NDUFA10: variants seen among roughly 807,000 people sequenced by gnomAD.
The protein encoded by NDUFA10 is NADH dehydrogenase [ubiquinone] 1 alpha subcomplex subunit 10, mitochondrial.
Under a neutral mutation model 47.8 loss-of-function variants are expected in NDUFA10, and 40 were observed. That is an observed-to-expected ratio of 0.84 (90% CI 0.65 to 1.09). NDUFA10 has a LOEUF of 1.09. Among genes scored for constraint, NDUFA10 ranks in the 50% least tolerant of loss-of-function variants. NDUFA10 has a pLI of 0.00. For synonymous variants in NDUFA10, 183 were observed against 172.2 expected, an observed-to-expected ratio of 1.06 and a Z score of -0.49; for missense variants, 413 against 451.1, an observed-to-expected ratio of 0.92 and a Z score of 0.76.
intron 4 of NDUFA10, among the ~76,000 whole-genome samples, chr2:239,912,110 A>G (rs1267103636): frequency 1.3e-5 from 2 of 152,166 alleles, no homozygotes; most frequent in Non-Finnish European, 2.9e-5. Context: ...TGAACCATCC[A>G]AAGCCAATAC....
In NDUFA10 at chr2:239,987,691, A is replaced by T. The variant is rs1696054665; in HGVS notation, c.999+2383T>A. Among the ~76,000 whole-genome samples, 1 of 152,260 alleles carries T rather than the reference A, an allele frequency of 6.6e-6. No individual in the cohort carries two copies. The highest frequency in any genetic ancestry group is 2.1e-4 in the South Asian group (1 of 4,830). ...CTTCAGGCAGAAGGCCAAGGATGCT[A>T]CATGCAGGCGCAGCGCCCAGGGAAG... On this transcript the variant is annotated intron_variant, in intron 9 of 9. Coordinates refer to ENST00000252711, the MANE Select transcript of NDUFA10 (RefSeq NM_004544.4). The surrounding 1 kb of genome is among the most constrained non-coding windows in gnomAD (Gnocchi z 4.8).
chr2:239,906,335 C>A lies in NDUFA10; in HGVS notation c.295-11021G>T, dbSNP rs1693655530. 6.6e-6 allele frequency among the ~76,000 whole-genome samples: 1 copy of A among 152,186 alleles called. No individual in the cohort carries two copies. The highest frequency in any genetic ancestry group is 1.5e-5 in the Non-Finnish European group (1 of 68,030). ...GCTGACTGTCTAGGCACTGACCACG[C>A]CCTGTTGATAGACGCCGAGGCCATT... On this transcript the variant is annotated intron_variant, in intron 4 of 5. Transcript: ENST00000419408. The surrounding 1 kb of genome is among the most constrained non-coding windows in gnomAD (Gnocchi z 4.3).
Position 239,930,447 on chromosome 2 carries a change from G to A in NDUFA10, c.295-35133C>T, listed in dbSNP as rs552760358. On this transcript the variant is annotated intron_variant, in intron 4 of 5. Transcript: ENST00000419408. The stretch of plus-strand genomic sequence containing the variant: ...CGTCCCCATGGATCCCGTCCTGATC[G>A]CCACTTCGCCGAGAGAAATGACCAG... Among the ~76,000 whole-genome samples, 5 of 151,756 alleles carry A rather than the reference G, an allele frequency of 3.3e-5. No individual in the cohort carries two copies. In the Middle Eastern group the frequency reaches 0.01, roughly 310 times the overall value.
chr2:239,979,086 G>A (rs1009899009), intron 9 of NDUFA10, among the ~76,000 whole-genome samples: 2 of 152,194 alleles, frequency 1.3e-5, no homozygotes, highest in African/African-American at 4.8e-5. Flanking sequence ...TCCCTGAGAA[G>A]TGTGCTCCTG....
chr2:239,988,317 G>A (rs143004166), intron 9 of NDUFA10, among the ~76,000 whole-genome samples: 59 of 152,188 alleles, frequency 3.9e-4, no homozygotes, highest in African/African-American at 1.3e-3. Flanking sequence ...TCATGAAAAG[G>A]GTGACCCTCC....
chr2:239,968,447 T>C (rs1695172326), intron 9 of NDUFA10, among the ~76,000 whole-genome samples: 1 of 152,232 alleles, frequency 6.6e-6, no homozygotes, highest in African/African-American at 2.4e-5. Flanking sequence ...CAATCAGTTA[T>C]ACTGTTAGGG....
At chr2:240,005,164 C>T (rs61035353) in intron 8 of NDUFA10, 46 bp downstream of exon 8, 2 of 1,505,732 alleles carry the variant, frequency 1.3e-6, no homozygotes, top group East Asian at 2.3e-5. Context: ...CCCCATCATG[C>T]AAGTAGACCC....
chr2:239,968,469 G>A (rs1182830962), intron 9 of NDUFA10, among the ~76,000 whole-genome samples: 3 of 152,232 alleles, frequency 2.0e-5, no homozygotes, highest in African/African-American at 7.2e-5. Context: ...CTAAGTGAGA[G>A]GCACCAGGCC....
intron 8 of NDUFA10, 64 bp downstream of exon 8, chr2:240,005,146 C>T (rs558160487): frequency 7.2e-7 from 1 of 1,387,032 alleles, no homozygotes; most frequent in East Asian, 2.3e-5. Flanking sequence ...TCAAACTTCC[C>T]TAAGTTTCCC....
intron 8 of NDUFA10, among the ~76,000 whole-genome samples, chr2:240,001,040 A>G (rs967862257): frequency 2.0e-5 from 3 of 152,156 alleles, no homozygotes; most frequent in African/African-American, 7.2e-5. Context: ...TGAGCACATC[A>G]CTCGGAAGGT....
intron 6 of NDUFA10, among the ~76,000 whole-genome samples, chr2:240,008,846 T>G (rs950518693): frequency 1.3e-5 from 2 of 152,222 alleles, no homozygotes; most frequent in Non-Finnish European, 1.5e-5. Flanking sequence ...AGAGTCCATT[T>G]TCTATCTTCT....
chr2:239,933,648 G>T (rs935652683), intron 4 of NDUFA10, among the ~76,000 whole-genome samples: 1 of 151,694 alleles, frequency 6.6e-6, no homozygotes, highest in Admixed American at 6.6e-5. Context: ...TCCTCCCAGG[G>T]CTACGGGGAG....
rs559280978 is a variant in NDUFA10, at chr2:240,010,943, A to T, written c.749+674T>A. Among the ~76,000 whole-genome samples, 53 of 152,316 alleles carry T rather than the reference A, an allele frequency of 3.5e-4. No individual in the cohort carries two copies. In the East Asian group the frequency reaches 8.7e-3, roughly 25 times the overall value. ...GCACCGAAAGAGGCTTAGGGTTTTA[A>T]AAAGTATGAGAAATAGTATAAAAAT... On this transcript the variant is annotated intron_variant, in intron 6 of 9. Coordinates refer to ENST00000252711, the MANE Select transcript of NDUFA10 (RefSeq NM_004544.4).
intron 4 of NDUFA10, among the ~76,000 whole-genome samples, chr2:239,899,426 G>A (rs1693495919): frequency 7.9e-6 from 1 of 126,856 alleles, no homozygotes. Flanking sequence ...ATGGAGGGGT[G>A]TGATGGAGGA....
At chr2:239,922,417 G>A (rs932807774) in intron 4 of NDUFA10, among the ~76,000 whole-genome samples, 4 of 152,236 alleles carry the variant, frequency 2.6e-5, no homozygotes, top group African/African-American at 9.6e-5. Context: ...CCCCAGGACA[G>A]AGAGGAGCAC....
chr2:239,924,412 A>C (rs1694037368), intron 4 of NDUFA10, among the ~76,000 whole-genome samples: 1 of 152,108 alleles, frequency 6.6e-6, no homozygotes, highest in Admixed American at 6.5e-5. Context: ...ATAATACACC[A>C]TCAACAGGTA....
Position 239,960,881 on chromosome 2 carries a change from G to A in NDUFA10, c.*237C>T. On this transcript the variant is annotated 3_prime_UTR_variant, in exon 10 of 10. Coordinates refer to ENST00000252711, the MANE Select transcript of NDUFA10 (RefSeq NM_004544.4). ...CAGACCACTGTTTTCCAGTGAGAAT[G>A]GTGGGCCATTCCAAAACAAAGCTAA... is the stretch of plus-strand genomic sequence containing the variant. 1 of 1,420,302 alleles carries A rather than the reference G, an allele frequency of 7.0e-7. No individual in the cohort carries two copies. The highest frequency in any genetic ancestry group is 1.4e-5 in the South Asian group (1 of 71,128). The allele number at this position is 1,420,302 out of a possible 1,614,324, so 88.0% of individuals were successfully genotyped here.
intron 8 of NDUFA10, among the ~76,000 whole-genome samples, chr2:239,999,202 C>A (rs961093120): frequency 6.6e-6 from 1 of 152,232 alleles, no homozygotes; most frequent in East Asian, 1.9e-4. Flanking sequence ...ATGGTCATCA[C>A]CGCACAATGA....
chr2:239,966,663 T>C (rs1483410115), intron 9 of NDUFA10, among the ~76,000 whole-genome samples: 1 of 151,994 alleles, frequency 6.6e-6, no homozygotes, highest in East Asian at 1.9e-4. Context: ...AACATGATGA[T>C]TTTCCTGACC....
Sources: gnomAD v4.1 joint callset for allele counts (sites outside exome capture counted in the v4.1 genomes callset) on GRCh38, gnomAD v4.1.1 for gene constraint, Gnocchi (gnomAD v3.1) non-coding constraint, MANE v1.5 for transcripts, NCBI Gene and HGNC (gene_info 2026-07-23, HGNC 2026-07-21) for gene names.